Variants in PLCL1 observed in about 807,000 individuals in gnomAD.
PLCL1 encodes the protein phospholipase C like 1 (inactive), also known as inactive phospholipase C-like protein 1.
A neutral mutation model predicts 84.4 loss-of-function variants in PLCL1; 41 were observed. The observed-to-expected ratio is 0.49, with a 90% CI of 0.38 to 0.63. The LOEUF (loss-of-function observed/expected upper bound fraction) is 0.63, where lower values mean the gene tolerates loss of function less well. Ranked by LOEUF, PLCL1 falls within the 30% of genes least tolerant of loss-of-function variation. The pLI is 0.00. For synonymous variants in PLCL1, 490 were observed against 488.3 expected, an observed-to-expected ratio of 1.00 and a Z score of -0.05; for missense variants, 1,206 against 1,367.8, an observed-to-expected ratio of 0.88 and a Z score of 1.87.
chr2:197,821,672 A>ATGCCACT (rs1173390548), intron 1 of PLCL1, among the ~76,000 whole-genome samples: 1 of 152,156 alleles, frequency 6.6e-6, no homozygotes, highest in Non-Finnish European at 1.5e-5. Context: ...TAAGTTTCAC[A>ATGCCACT]TGCCACTTCT....
At chr2:197,987,909 T>G (rs773477240) in intron 1 of PLCL1, among the ~76,000 whole-genome samples, 1 of 152,184 alleles carries the variant, frequency 6.6e-6, no homozygotes, top group Non-Finnish European at 1.5e-5. Flanking sequence ...TTTCTTATGT[T>G]GGAGAAGTTG....
At chr2:198,029,349 A>T (rs1348466983) in intron 1 of PLCL1, among the ~76,000 whole-genome samples, 1 of 152,224 alleles carries the variant, frequency 6.6e-6, no homozygotes, top group East Asian at 1.9e-4. Context: ...TTTTCAGATT[A>T]GCACAAACAT....
At chr2:198,051,329 A>T (rs549166214) in intron 1 of PLCL1, among the ~76,000 whole-genome samples, 28 of 152,320 alleles carry the variant, frequency 1.8e-4, no homozygotes, top group Admixed American at 5.2e-4. Flanking sequence ...TAGCAAAAAT[A>T]GTTCCTATAT....
intron 1 of PLCL1, among the ~76,000 whole-genome samples, chr2:197,931,193 T>G (rs1688924249): frequency 6.6e-6 from 1 of 152,176 alleles, no homozygotes; most frequent in African/African-American, 2.4e-5. Flanking sequence ...TAAGAAGCAG[T>G]ATCTATTGCT....
At chr2:197,840,782 C>T (rs928150003) in intron 1 of PLCL1, among the ~76,000 whole-genome samples, 7 of 152,294 alleles carry the variant, frequency 4.6e-5, no homozygotes, top group African/African-American at 1.7e-4. Context: ...CCATAGCACC[C>T]TAGCTTCCTT....
chr2:198,128,610 G>T (rs1003085113), intron 5 of PLCL1, among the ~76,000 whole-genome samples: 27 of 152,080 alleles, frequency 1.8e-4, no homozygotes, highest in African/African-American at 5.8e-4. Flanking sequence ...CAAGTGCAGG[G>T]TCTGCAAAAC....
At chr2:198,057,711 T>C (rs1165155352) in intron 1 of PLCL1, among the ~76,000 whole-genome samples, 1 of 152,188 alleles carries the variant, frequency 6.6e-6, no homozygotes, top group Non-Finnish European at 1.5e-5. Flanking sequence ...CAAAAAAGTA[T>C]GATGCATGGA....
chr2:198,014,829 G>C (rs182203711), intron 1 of PLCL1, among the ~76,000 whole-genome samples: 1 of 152,176 alleles, frequency 6.6e-6, no homozygotes, highest in Non-Finnish European at 1.5e-5. Context: ...TCTCTAGGGG[G>C]TGTACAGAAG....
intron 1 of PLCL1, among the ~76,000 whole-genome samples, chr2:198,025,073 G>T (rs893162494): frequency 7.9e-5 from 12 of 151,638 alleles, no homozygotes; most frequent in Non-Finnish European, 1.8e-4. Flanking sequence ...GAGTTGTTTT[G>T]ATTTTTTCCT....
intron 1 of PLCL1, among the ~76,000 whole-genome samples, chr2:197,815,274 C>G (rs1273328164): frequency 2.0e-5 from 3 of 152,126 alleles, no homozygotes; most frequent in Admixed American, 2.0e-4. Flanking sequence ...TATGCCAAAT[C>G]TACTCTGTGC....
At chr2:198,136,080 G>T (rs960280443) in intron 5 of PLCL1, among the ~76,000 whole-genome samples, 5 of 151,966 alleles carry the variant, frequency 3.3e-5, no homozygotes, top group Non-Finnish European at 7.4e-5. Context: ...TTTTATTGTC[G>T]CATTTTATTC....
At chr2:198,106,379 G>A (rs545630014) in intron 5 of PLCL1, among the ~76,000 whole-genome samples, 22 of 152,046 alleles carry the variant, frequency 1.4e-4, no homozygotes, top group Middle Eastern at 3.4e-3. Flanking sequence ...CTGGGAATAC[G>A]TGGAGAACAT....
At chr2:198,088,084 T>C (rs1692930636) in intron 2 of PLCL1, among the ~76,000 whole-genome samples, 1 of 152,234 alleles carries the variant, frequency 6.6e-6, no homozygotes, top group African/African-American at 2.4e-5. Context: ...GATTAGACTT[T>C]ACATATTTTA....
intron 1 of PLCL1, among the ~76,000 whole-genome samples, chr2:197,933,307 A>G (rs1574956010): frequency 7.7e-6 from 1 of 129,776 alleles, no homozygotes; most frequent in East Asian, 2.2e-4. Flanking sequence ...TCTGTTGCCC[A>G]GGCTGGAGCG....
chr2:198,009,340 C>A (rs1002748932), intron 1 of PLCL1, among the ~76,000 whole-genome samples: 1 of 151,916 alleles, frequency 6.6e-6, no homozygotes, highest in Non-Finnish European at 1.5e-5. Context: ...GTCTTTAATT[C>A]ATTTTGAGTT....
chr2:197,986,309 A>G (rs1041196825), intron 1 of PLCL1, among the ~76,000 whole-genome samples: 1 of 152,180 alleles, frequency 6.6e-6, no homozygotes, highest in African/African-American at 2.4e-5. Context: ...TGTGCTGCAA[A>G]TGACTGAAGG....
chr2:197,887,889 A>G (rs1687950496), intron 1 of PLCL1, among the ~76,000 whole-genome samples: 1 of 152,076 alleles, frequency 6.6e-6, no homozygotes, highest in Admixed American at 6.6e-5. Flanking sequence ...GGATCACTTG[A>G]GCTCAGGAGT....
chr2:197,904,496 G>GT (rs1346087182), intron 1 of PLCL1, among the ~76,000 whole-genome samples: 3 of 152,262 alleles, frequency 2.0e-5, no homozygotes, highest in East Asian at 1.9e-4. Flanking sequence ...TCCTTTATTG[G>GT]TTTTTTCTTG....
chr2:197,812,457 T>C (rs1690606856), intron 1 of PLCL1, among the ~76,000 whole-genome samples: 1 of 152,198 alleles, frequency 6.6e-6, no homozygotes, highest in African/African-American at 2.4e-5. Flanking sequence ...TTCACCAACA[T>C]TTGTTGTTTT....
Sources: gnomAD v4.1 joint callset for allele counts (sites outside exome capture counted in the v4.1 genomes callset) on GRCh38, gnomAD v4.1.1 for gene constraint, MANE v1.5 for transcripts, NCBI Gene and HGNC (gene_info 2026-07-23, HGNC 2026-07-21) for gene names.